PTPRG: variants seen among roughly 807,000 people sequenced by gnomAD.
PTPRG encodes the protein receptor-type tyrosine-protein phosphatase gamma.
A neutral mutation model predicts 165.3 loss-of-function variants in PTPRG; 102 were observed. That is an observed-to-expected ratio of 0.62 (90% CI 0.53 to 0.73). The LOEUF is 0.73. Among genes scored for constraint, PTPRG ranks in the 30% least tolerant of loss-of-function variants. PTPRG has a pLI of 0.00. For missense variants in PTPRG, 1,866 were observed against 1,861.4 expected, an observed-to-expected ratio of 1.00 and a Z score of -0.05; for synonymous variants, 675 against 669.5, an observed-to-expected ratio of 1.01 and a Z score of -0.13.
At chr3:61,626,989 T>A (rs1426991435) in intron 1 of PTPRG, among the ~76,000 whole-genome samples, 1 of 152,166 alleles carries the variant, frequency 6.6e-6, no homozygotes, top group African/African-American at 2.4e-5. Flanking sequence ...AATTTATGTA[T>A]GGAATGGCTT....
At chr3:62,073,501 C>T (rs1490402497) in intron 4 of PTPRG, among the ~76,000 whole-genome samples, 4 of 151,696 alleles carry the variant, frequency 2.6e-5, no homozygotes, top group African/African-American at 9.7e-5. Flanking sequence ...TTTTTTGAGA[C>T]TGAGTCTCAC....
intron 5 of PTPRG, among the ~76,000 whole-genome samples, chr3:62,124,868 A>G (rs907283514): frequency 6.6e-6 from 1 of 152,194 alleles, no homozygotes; most frequent in South Asian, 2.1e-4. Context: ...AGAATCTTTC[A>G]TAACATTGCT....
At chr3:61,826,595 T>C (rs1259488461) in intron 2 of PTPRG, among the ~76,000 whole-genome samples, 2 of 152,268 alleles carry the variant, frequency 1.3e-5, no homozygotes, top group South Asian at 2.1e-4. Context: ...TTGTTAAAAA[T>C]GTAAGAATGG....
At chr3:62,054,825 A>G (rs116588820) in intron 4 of PTPRG, among the ~76,000 whole-genome samples, 1,534 of 152,354 alleles carry the variant, frequency 0.01, 19 homozygotes, top group African/African-American at 0.035. Flanking sequence ...TGCATTATAC[A>G]GTGCTTACGT....
intron 2 of PTPRG, among the ~76,000 whole-genome samples, chr3:61,822,686 G>A (rs968637388): frequency 2.0e-5 from 3 of 152,184 alleles, no homozygotes; most frequent in African/African-American, 7.2e-5. Flanking sequence ...TTTAAGCAAG[G>A]AGGAATTTTC....
At chr3:62,062,899 C>T (rs1405047949) in intron 4 of PTPRG, among the ~76,000 whole-genome samples, 2 of 152,154 alleles carry the variant, frequency 1.3e-5, no homozygotes, top group African/African-American at 2.4e-5. Flanking sequence ...AGCTATCTGC[C>T]CGTCTCAGCC....
chr3:62,168,163 G>T lies in PTPRG; in HGVS notation c.1033G>T (p.Val345Phe). 1 of 1,606,978 alleles carries T rather than the reference G, an allele frequency of 6.2e-7. No homozygotes were observed. ...ENPLGTEASK[V>F]CSSPPIHMKV... ...CCCACTGGGGACAGAAGCCTCTAAA[G>T]GTATATTTGGCTTAAGTGCCTTGCC... Residue 345 changes from valine (V) to phenylalanine (F), a missense_variant and splice_region_variant, in exon 8 of 30, where the codon GTT (valine) becomes TTT (phenylalanine). By Grantham distance (50) the Val-to-Phe change is conservative. Coordinates refer to ENST00000474889, the MANE Select transcript of PTPRG (RefSeq NM_002841.4).
At chr3:62,124,152 T>G (rs1404937920) in intron 5 of PTPRG, 2 of 661,102 alleles carry the variant, frequency 3.0e-6, no homozygotes, top group Non-Finnish European at 5.4e-6. Context: ...AAAGGTTCTG[T>G]GAATTTGTTG....
intron 2 of PTPRG, among the ~76,000 whole-genome samples, chr3:61,959,176 G>A (rs2040096916): frequency 1.3e-5 from 2 of 152,162 alleles, no homozygotes; most frequent in East Asian, 3.8e-4. Flanking sequence ...GACTAGTTAT[G>A]TGTTCCAATT....
At chr3:61,684,242 T>C (rs1372305927) in intron 1 of PTPRG, among the ~76,000 whole-genome samples, 1 of 152,138 alleles carries the variant, frequency 6.6e-6, no homozygotes, top group African/African-American at 2.4e-5. Context: ...GTGGTGATGG[T>C]GGGGGATCTC....
At chr3:61,747,131 A>G (rs891031052) in intron 1 of PTPRG, among the ~76,000 whole-genome samples, 5 of 152,142 alleles carry the variant, frequency 3.3e-5, no homozygotes, top group Non-Finnish European at 5.9e-5. Context: ...TCAAAAAAAA[A>G]ACAAAACCAA....
intron 1 of PTPRG, among the ~76,000 whole-genome samples, chr3:61,718,934 G>GACATTGAC (rs552796311): frequency 2.0e-5 from 3 of 151,998 alleles, no homozygotes; most frequent in African/African-American, 7.3e-5. Context: ...ATAAACAATC[G>GACATTGAC]ACATTGAATT....
At chr3:61,756,648 T>C (rs2033643907) in intron 2 of PTPRG, among the ~76,000 whole-genome samples, 1 of 152,210 alleles carries the variant, frequency 6.6e-6, no homozygotes, top group Non-Finnish European at 1.5e-5. Flanking sequence ...CAAGTGATTG[T>C]AAAGTTAATG....
intron 1 of PTPRG, among the ~76,000 whole-genome samples, chr3:61,682,414 T>G (rs909986834): frequency 1.3e-5 from 2 of 152,220 alleles, no homozygotes; most frequent in Admixed American, 6.5e-5. Flanking sequence ...TAGCAGATGC[T>G]GTTAAATGTT....
rs1467569013 is a variant in PTPRG at position 62,273,571 on chromosome 3, T to A, written c.3319-127T>A. On this transcript the variant is annotated intron_variant, in intron 22 of 29. Transcript: ENST00000474889. The surrounding 1 kb of genome is among the most constrained non-coding windows in gnomAD (Gnocchi z 4.1). ...TGAGTATTGGAGCAAATCACCTAGCTGTAAGTGCTTGAAGGAAATCACTGG... is the reference window on the plus strand; with the variant it reads ...TGAGTATTGGAGCAAATCACCTAGCAGTAAGTGCTTGAAGGAAATCACTGG... The A allele has an allele frequency of 3.4e-6, 3 of 878,562 alleles. No homozygotes were observed. In the African/African-American group the frequency reaches 5.0e-5, roughly 15 times the overall value. The allele number at this position is 878,562 out of a possible 1,614,324, so 54.4% of individuals were successfully genotyped here. A position where few individuals can be genotyped will look rare whatever the true frequency, so the allele number is the denominator to read the frequency against.
chr3:61,991,718 A>G lies in PTPRG; in HGVS notation c.370+1914A>G, dbSNP rs368488870. Among the ~76,000 whole-genome samples, 5 of 152,344 alleles carry G rather than the reference A, an allele frequency of 3.3e-5. 1 individual carries two copies. The highest frequency in any genetic ancestry group is 1.9e-4 in the East Asian group (1 of 5,184). On this transcript the variant is annotated intron_variant, in intron 3 of 29. Coordinates refer to ENST00000474889, the MANE Select transcript of PTPRG (RefSeq NM_002841.4). ...GGGTGCAATCAGATTGGAACTGAGT[A>G]CCACCTCAGCACCACATTCTGGAAG...
At chr3:61,811,943 T>A (rs2035591791) in intron 2 of PTPRG, among the ~76,000 whole-genome samples, 1 of 152,216 alleles carries the variant, frequency 6.6e-6, no homozygotes, top group Non-Finnish European at 1.5e-5. Context: ...CTCTGCGCTT[T>A]CTCTCCATTT....
intron 2 of PTPRG, among the ~76,000 whole-genome samples, chr3:61,808,195 A>G (rs1013686678): frequency 5.9e-5 from 9 of 152,190 alleles, no homozygotes; most frequent in Non-Finnish European, 1.2e-4. Flanking sequence ...CATCATCTGG[A>G]ACTTTTTAAA....
intron 1 of PTPRG, among the ~76,000 whole-genome samples, chr3:61,572,959 G>A (rs145793052): frequency 2.2e-3 from 342 of 152,324 alleles, no homozygotes; most frequent in Admixed American, 5.9e-3. Flanking sequence ...AACCATGTGC[G>A]TGGGCACATG....
Sources: allele counts gnomAD v4.1 joint callset (sites outside exome capture counted in the v4.1 genomes callset), GRCh38; gene constraint gnomAD v4.1.1; non-coding constraint Gnocchi (gnomAD v3.1); transcripts MANE v1.5; gene names NCBI Gene and HGNC (gene_info 2026-07-23, HGNC 2026-07-21).